Variants in CDK12 observed in about 807,000 individuals in gnomAD.
CDK12 encodes the protein cyclin-dependent kinase 12.
In CDK12, 17 loss-of-function variants were observed where a neutral mutation model predicts 133.8. The ratio of observed to expected loss-of-function variants is 0.13; its 90% CI spans 0.09 to 0.19. CDK12 has a LOEUF of 0.19. Ranked by LOEUF, CDK12 falls within the 10% of genes least tolerant of loss-of-function variation. The pLI is 1.00. For missense variants in CDK12, 1,508 were observed against 1,818.7 expected, an observed-to-expected ratio of 0.83 and a Z score of 3.11; for synonymous variants, 694 against 683.6, an observed-to-expected ratio of 1.02 and a Z score of -0.24.
chr17:39,561,960 G>A (rs1039373211), intron 3 of CDK12, among the ~76,000 whole-genome samples: 1 of 152,056 alleles, frequency 6.6e-6, no homozygotes, highest in Admixed American at 6.5e-5. Flanking sequence ...ATTTTTTTGA[G>A]ATGGAGTCTT....
chr17:39,511,484 A>G (rs2053504955), intron 7 of CDK12, 45 bp from the exon 8 acceptor site: 1 of 1,208,430 alleles, frequency 8.3e-7, no homozygotes, highest in South Asian at 1.3e-5. Context: ...ATTTTTCATC[A>G]GAAGCCACTG....
rs1029401554 is a variant in CDK12 at position 39,531,850 on chromosome 17, T to G, written c.*534T>G. On this transcript the variant is annotated 3_prime_UTR_variant, in exon 14 of 14. Transcript: ENST00000447079. ...GGGAAACAGAGTGGCCTGGCTGATT[T>G]GAATAAATGTTTCTTTCCTCTCCAC... 8 of 233,934 alleles carry G rather than the reference T, an allele frequency of 3.4e-5. No individual in the cohort carries two copies. Among genetic ancestry groups the G allele is most frequent in the African/African-American group, 1.5e-4 (7 of 45,358 alleles). The allele number at this position is 233,934 out of a possible 1,614,324, so 14.5% of individuals were successfully genotyped here.
At chr17:39,485,812 G>A (rs1567713558) in intron 2 of CDK12, among the ~76,000 whole-genome samples, 1 of 151,874 alleles carries the variant, frequency 6.6e-6, no homozygotes, top group Non-Finnish European at 1.5e-5. Flanking sequence ...CCTCGAGGCT[G>A]CAGTCAGCTA....
At chr17:39,497,790 A>G (rs2052244133) in intron 5 of CDK12, among the ~76,000 whole-genome samples, 1 of 151,854 alleles carries the variant, frequency 6.6e-6, no homozygotes, top group African/African-American at 2.4e-5. Context: ...TTTTTAGTAG[A>G]AACAGGATCT....
intron 2 of CDK12, among the ~76,000 whole-genome samples, chr17:39,488,074 A>G (rs909123788): frequency 6.6e-6 from 1 of 152,064 alleles, no homozygotes; most frequent in Non-Finnish European, 1.5e-5. Flanking sequence ...TCTCTACAAA[A>G]AATTTCAAGA....
intron 2 of CDK12, among the ~76,000 whole-genome samples, chr17:39,484,985 A>G (rs936506526): frequency 6.6e-6 from 1 of 152,074 alleles, no homozygotes; most frequent in Non-Finnish European, 1.5e-5. Flanking sequence ...CCTGGCTAAC[A>G]TGGTGAAACC....
chr17:39,511,214 C>CAAAA, intron 7 of CDK12, among the ~76,000 whole-genome samples: 1 of 74,852 alleles, frequency 1.3e-5, no homozygotes, highest in Non-Finnish European at 2.6e-5. Context: ...GACACCGTCT[C>CAAAA]AAAAAAAAAA....
At chr17:39,547,047 A>C (rs1198986159), upstream of CDK12, among the ~76,000 whole-genome samples, 1 of 151,556 alleles carries the variant, frequency 6.6e-6, no homozygotes, top group Admixed American at 6.6e-5. Flanking sequence ...AATGACAGGT[A>C]GCCTTTCTTC....
intron 11 of CDK12, among the ~76,000 whole-genome samples, chr17:39,524,378 T>C (rs1195215180): frequency 6.6e-6 from 1 of 152,234 alleles, no homozygotes; most frequent in Non-Finnish European, 1.5e-5. Context: ...TTTGTTGTTA[T>C]GCCAAGGAAA....
At chr17:39,515,899 TTA>T (rs1409854682) in intron 9 of CDK12, 91 bp downstream of exon 9, 6 of 757,990 alleles carry the variant, frequency 7.9e-6, no homozygotes, top group East Asian at 5.3e-5. Flanking sequence ...CTGAATGAGT[TTA>T]TGTTTCTTAT....
downstream of CDK12, among the ~76,000 whole-genome samples, chr17:39,565,399 C>A (rs2056535702): frequency 6.7e-6 from 1 of 149,232 alleles, no homozygotes; most frequent in Non-Finnish European, 1.5e-5. Flanking sequence ...CAGGCGTGAG[C>A]CACCGCACCC....
chr17:39,464,744 G>C (rs2049174488), intron 1 of CDK12, among the ~76,000 whole-genome samples: 1 of 151,486 alleles, frequency 6.6e-6, no homozygotes, highest in Non-Finnish European at 1.5e-5. Context: ...ATAAATATTT[G>C]CTGTATCCAG....
At chr17:39,520,460 A>G (rs548090386) in intron 11 of CDK12, among the ~76,000 whole-genome samples, 50 of 152,094 alleles carry the variant, frequency 3.3e-4, no homozygotes, top group Middle Eastern at 3.4e-3. Context: ...CAGTGGTGCA[A>G]CTCAGCTCAC....
In CDK12 at chr17:39,470,615, C is replaced by T. The variant is rs111360676; in HGVS notation, c.1047-264C>T. On this transcript the variant is annotated intron_variant, in intron 1 of 13. Coordinates refer to ENST00000447079, the MANE Select transcript of CDK12 (RefSeq NM_016507.4). ...TGATACATAATTATAAACTGGAGTC[C>T]ATACTTTATTTAGATTTACTTAGTC... 1.2e-4 allele frequency among the ~76,000 whole-genome samples: 19 copies of T among 152,142 alleles called. 1 individual carries two copies. The highest frequency in any genetic ancestry group is 4.6e-4 in the African/African-American group (19 of 41,524).
chr17:39,553,877 C>A, intron 2 of CDK12, among the ~76,000 whole-genome samples: 1 of 152,156 alleles, frequency 6.6e-6, no homozygotes, highest in East Asian at 1.9e-4. Flanking sequence ...CATATCTCCC[C>A]ACTCTGAGCT....
At chr17:39,475,450 G>A (rs989813004) in intron 2 of CDK12, among the ~76,000 whole-genome samples, 9 of 151,964 alleles carry the variant, frequency 5.9e-5, no homozygotes, top group African/African-American at 2.2e-4. Context: ...GCCAGCTTGT[G>A]TGAAAGAGAC....
intron 9 of CDK12, among the ~76,000 whole-genome samples, chr17:39,517,219 T>G (rs1382525396): frequency 6.6e-6 from 1 of 152,230 alleles, no homozygotes; most frequent in Non-Finnish European, 1.5e-5. Flanking sequence ...AGGATTATTA[T>G]CCGAGTATTT....
downstream of CDK12, among the ~76,000 whole-genome samples, chr17:39,536,674 G>T (rs2055147647): frequency 6.6e-6 from 1 of 152,208 alleles, no homozygotes; most frequent in African/African-American, 2.4e-5. Flanking sequence ...AAGCAGATAA[G>T]AGTTGCTTTA....
At chr17:39,530,398 C>T (rs937490692) in intron 13 of CDK12, 23 of 584,084 alleles carry the variant, frequency 3.9e-5, no homozygotes, top group East Asian at 6.6e-5. Flanking sequence ...GATATTTTTA[C>T]ACTAGCTGTT....
Sources: allele counts gnomAD v4.1 joint callset (sites outside exome capture counted in the v4.1 genomes callset), GRCh38; gene constraint gnomAD v4.1.1; transcripts MANE v1.5; gene names NCBI Gene and HGNC (gene_info 2026-07-23, HGNC 2026-07-21).